Variants in PKHD1 observed in about 807,000 individuals in gnomAD.
The protein encoded by PKHD1 is fibrocystin.
A neutral mutation model predicts 412.0 loss-of-function variants in PKHD1; 291 were observed. The ratio of observed to expected loss-of-function variants is 0.71; its 90% confidence interval spans 0.64 to 0.78. The LOEUF (loss-of-function observed/expected upper bound fraction) is 0.78, where lower values mean the gene tolerates loss of function less well. Among genes scored for constraint, PKHD1 ranks in the 30% least tolerant of loss-of-function variants. The pLI is 0.00. For missense variants in PKHD1, 4,825 were observed against 4,950.7 expected, an observed-to-expected ratio of 0.97 and a Z score of 0.76; for synonymous variants, 1,777 against 1,821.5, an observed-to-expected ratio of 0.98 and a Z score of 0.62.
intron 52 of PKHD1, among the ~76,000 whole-genome samples, chr6:51,793,284 G>C (rs929268919): frequency 3.3e-5 from 5 of 152,138 alleles, no homozygotes; most frequent in African/African-American, 1.2e-4. Context: ...ATGACTTTAA[G>C]AATTATTTGA....
chr6:51,726,262 T>G (rs1039445444), intron 60 of PKHD1, among the ~76,000 whole-genome samples: 1 of 152,178 alleles, frequency 6.6e-6, no homozygotes, highest in Non-Finnish European at 1.5e-5. Flanking sequence ...CAGGGGCAAT[T>G]GGTGGATGAG....
intron 57 of PKHD1, among the ~76,000 whole-genome samples, chr6:51,751,002 C>T (rs1224846750): frequency 6.6e-6 from 1 of 152,096 alleles, no homozygotes; most frequent in African/African-American, 2.4e-5. Flanking sequence ...GTATCGAACT[C>T]CTGACCTCAA....
chr6:51,626,291 G>A (rs1012414485), intron 66 of PKHD1, among the ~76,000 whole-genome samples: 8 of 152,100 alleles, frequency 5.3e-5, no homozygotes, highest in East Asian at 3.8e-4. Context: ...GTTTTAAAAC[G>A]TTTCAGGCCC....
At chr6:52,064,159 T>C (rs1455023219) in intron 13 of PKHD1, among the ~76,000 whole-genome samples, 3 of 152,204 alleles carry the variant, frequency 2.0e-5, no homozygotes, top group African/African-American at 7.2e-5. Context: ...CAACTTTCCT[T>C]GTAGGTGCTG....
At chr6:52,078,918 C>G (rs900355760) in intron 5 of PKHD1, among the ~76,000 whole-genome samples, 3 of 152,190 alleles carry the variant, frequency 2.0e-5, no homozygotes, top group Non-Finnish European at 1.5e-5. Flanking sequence ...GATTAAGAAA[C>G]AAGTTATTAA....
At position 51,747,919 on chromosome 6, in the gene PKHD1, G is replaced by A. The variant is rs375893331; in HGVS notation, c.9697C>T (p.Pro3233Ser). Residue 3233 changes from proline (P) to serine (S), a missense_variant, in exon 58 of 67, where the codon CCC becomes TCC. Physicochemically the swap from Pro to Ser is moderately conservative, Grantham distance 74 (BLOSUM62 -1). Coordinates refer to ENST00000371117, the MANE Select transcript of PKHD1 (RefSeq NM_138694.4). ...ATTCGACCTCCTCTTGGATTGGAGG[G>A]AGCTCTATCTGTTGATGTCAAGTTG... ...SANLTSTDRA[P>S]SNPRGGRIGI... 8.7e-6 allele frequency: 14 copies of A among 1,614,036 alleles called. No individual in the cohort carries two copies. Among genetic ancestry groups the A allele is most frequent in the Non-Finnish European group, 1.1e-5 (13 of 1,179,970 alleles).
chr6:52,003,260 A>G (rs1304939486), intron 35 of PKHD1, among the ~76,000 whole-genome samples: 2 of 152,150 alleles, frequency 1.3e-5, no homozygotes, highest in Non-Finnish European at 2.9e-5. Context: ...GTTGTCTGAG[A>G]GCTATTTTGT....
chr6:51,965,710 C>G (rs1792704582), intron 35 of PKHD1, among the ~76,000 whole-genome samples: 1 of 151,988 alleles, frequency 6.6e-6, no homozygotes, highest in African/African-American at 2.4e-5. Flanking sequence ...TTCAAATTGA[C>G]CCTTTCTCAT....
intron 36 of PKHD1, among the ~76,000 whole-genome samples, chr6:51,935,066 C>G (rs1467415049): frequency 6.6e-6 from 1 of 152,220 alleles, no homozygotes; most frequent in Non-Finnish European, 1.5e-5. Flanking sequence ...CCGCCACTTG[C>G]ATCAAATGCT....
chr6:51,637,192 C>A (rs1357787984), intron 64 of PKHD1, among the ~76,000 whole-genome samples: 1 of 152,136 alleles, frequency 6.6e-6, no homozygotes, highest in Admixed American at 6.5e-5. Flanking sequence ...AATTAAAGGA[C>A]AAAGGCCTTT....
chr6:51,883,941 T>C (rs1777794388), intron 45 of PKHD1, among the ~76,000 whole-genome samples: 1 of 152,208 alleles, frequency 6.6e-6, no homozygotes, highest in Non-Finnish European at 1.5e-5. Context: ...TATAGACTGA[T>C]GCAGCAAGAA....
At position 51,911,824 on chromosome 6, in the gene PKHD1, T is replaced by G. The variant is rs1479811720; in HGVS notation, c.6465A>C (p.Ser2155=). ...LTNEREKLLV[S]CQEANAPEGN... is the part of the protein sequence containing the mutation. ...CTTCTGGAGCATTGGCCTCCTGGCA[T>G]GAAACAAGCAGCTTCTCCCTCTCAT... Residue 2155 remains serine, a synonymous_variant, in exon 39 of 67, where the codon TCA becomes TCC. Transcript: ENST00000371117. 1 of 1,613,106 alleles carries G rather than the reference T, an allele frequency of 6.2e-7. No homozygotes were observed.
chr6:51,989,881 A>AAAGG (rs1201816967), intron 35 of PKHD1, among the ~76,000 whole-genome samples: 1 of 80,484 alleles, frequency 1.2e-5, no homozygotes, highest in Non-Finnish European at 2.5e-5. Flanking sequence ...ACAAGGGAGA[A>AAAGG]AAGGAAGGAA....
At chr6:51,872,875 C>CTTTTTTT (rs33953182) in intron 46 of PKHD1, among the ~76,000 whole-genome samples, 2 of 81,488 alleles carry the variant, frequency 2.5e-5, no homozygotes, top group African/African-American at 5.2e-5. Flanking sequence ...CCATCGTTTC[C>CTTTTTTT]TTTTTTTTTT....
chr6:51,778,144 G>C (rs1233607148), intron 53 of PKHD1, among the ~76,000 whole-genome samples: 1 of 152,056 alleles, frequency 6.6e-6, no homozygotes, highest in Non-Finnish European at 1.5e-5. Context: ...AGAAAGGTGA[G>C]GTGCTCTCTC....
intron 36 of PKHD1, among the ~76,000 whole-genome samples, chr6:51,957,048 A>C (rs527287559): frequency 6.6e-6 from 1 of 152,218 alleles, no homozygotes; most frequent in African/African-American, 2.4e-5. Flanking sequence ...CCAAATATCC[A>C]TTACTTAAAC....
At chr6:51,639,737 A>G (rs1769095827) in intron 63 of PKHD1, among the ~76,000 whole-genome samples, 1 of 152,252 alleles carries the variant, frequency 6.6e-6, no homozygotes, top group South Asian at 2.1e-4. Flanking sequence ...TTTCCTAATT[A>G]ACAGCTGCTA....
At chr6:51,804,995 G>T (rs1763543906) in intron 52 of PKHD1, among the ~76,000 whole-genome samples, 1 of 152,116 alleles carries the variant, frequency 6.6e-6, no homozygotes, top group South Asian at 2.1e-4. Context: ...ACTAAAAATA[G>T]AACTACCATT....
chr6:52,055,629 G>A lies in PKHD1; in HGVS notation c.1794C>T (p.Pro598=), dbSNP rs756083230. 1.2e-6 allele frequency: 2 copies of A among 1,613,890 alleles called. No homozygotes were observed. Among genetic ancestry groups the A allele is most frequent in the South Asian group, 2.2e-5 (2 of 91,078 alleles). Residue 598 remains proline, a synonymous_variant, in exon 19 of 67, where the codon CCC becomes CCT. Transcript: ENST00000371117. Reference sequence around the variant, plus strand: ...GCCGATAGCCCTTCTGGGCAGCCGGGGGAGTAAGGACAAGGTGTCGAGGCT... The same window carrying A: ...GCCGATAGCCCTTCTGGGCAGCCGGAGGAGTAAGGACAAGGTGTCGAGGCT... The part of the protein sequence containing the change: ...LRQPRHLVLT[P]PAAQKGYRLD...
Sources: allele counts gnomAD v4.1 joint callset (sites outside exome capture counted in the v4.1 genomes callset), GRCh38; gene constraint gnomAD v4.1.1; transcripts MANE v1.5; gene names NCBI Gene and HGNC (gene_info 2026-07-23, HGNC 2026-07-21).